The following RORA variants were observed in gnomAD, a reference collection of about 807,000 sequenced individuals.
RORA encodes the protein RAR related orphan receptor A.
In RORA, 7 loss-of-function variants were observed where a neutral mutation model predicts 69.5. The observed-to-expected ratio is 0.10, with a 90% CI of 0.06 to 0.19. The LOEUF (loss-of-function observed/expected upper bound fraction) is 0.19, where lower values mean the gene tolerates loss of function less well. RORA is among the 10% of genes least tolerant of loss of function. The pLI, the probability that RORA is intolerant of heterozygous loss-of-function variation, is 1.00. For synonymous variants in RORA, 261 were observed against 240.8 expected (o/e 1.08, Z -0.78); for missense variants, 457 against 663.0 (o/e 0.69, Z 3.41).
At chr15:61,216,103 G>A (rs2080038231) in intron 1 of RORA, among the ~76,000 whole-genome samples, 2 of 152,170 alleles carry the variant, frequency 1.3e-5, no homozygotes, top group Non-Finnish European at 2.9e-5. Flanking sequence ...AGCCAGCTAT[G>A]CCTCTACTCC....
intron 2 of RORA, among the ~76,000 whole-genome samples, chr15:60,622,407 A>T (rs2140626766): frequency 6.6e-6 from 1 of 152,034 alleles, no homozygotes; most frequent in South Asian, 2.1e-4. Context: ...GAGCTCGGGA[A>T]TTTGAGACCA....
chr15:60,761,312 C>T (rs1447293651), intron 1 of RORA, among the ~76,000 whole-genome samples: 1 of 152,026 alleles, frequency 6.6e-6, no homozygotes, highest in Non-Finnish European at 1.5e-5. Flanking sequence ...CAAAGGGATT[C>T]GTATACAATA....
chr15:60,812,921 G>C lies in RORA; in HGVS notation c.167-134235C>G, dbSNP rs191739338. Among the ~76,000 whole-genome samples the C allele has an allele frequency of 2.6e-3, 397 of 152,316 alleles. 6 individuals are homozygous for C. The highest frequency in any genetic ancestry group is 2.4e-3 in the Non-Finnish European group (165 of 68,022). On this transcript the variant is annotated intron_variant, in intron 1 of 10. Transcript: ENST00000335670. ...ATAAAAAAGGACACTGCCAGTTTCT[G>C]AACTATAGTGACACCACCAAGGCAA...
intron 1 of RORA, among the ~76,000 whole-genome samples, chr15:60,795,365 G>T (rs341429): frequency 9.7e-4 from 147 of 152,262 alleles, no homozygotes; most frequent in African/African-American, 3.5e-3. Context: ...AACTCAAAAT[G>T]GGCTGCTTGA....
At chr15:60,841,675 C>G (rs553760848) in intron 1 of RORA, among the ~76,000 whole-genome samples, 1 of 152,316 alleles carries the variant, frequency 6.6e-6, no homozygotes, top group South Asian at 2.1e-4. Flanking sequence ...CACAAGTGGA[C>G]AGGTGGAGCC....
At chr15:60,608,818 A>G (rs1419271994) in intron 2 of RORA, among the ~76,000 whole-genome samples, 1 of 152,152 alleles carries the variant, frequency 6.6e-6, no homozygotes, top group Non-Finnish European at 1.5e-5. Context: ...ATCACCAAAC[A>G]CATTTTAATA....
At chr15:61,180,855 T>C (rs1292379620) in intron 1 of RORA, among the ~76,000 whole-genome samples, 2 of 151,990 alleles carry the variant, frequency 1.3e-5, no homozygotes, top group African/African-American at 4.8e-5. Flanking sequence ...TCCCAGAACT[T>C]TGGGAGGCCA....
At chr15:61,201,301 C>G (rs1350027848) in intron 1 of RORA, among the ~76,000 whole-genome samples, 4 of 152,216 alleles carry the variant, frequency 2.6e-5, no homozygotes, top group African/African-American at 9.6e-5. Flanking sequence ...GAAAGAATTA[C>G]ACGCAGTTTC....
intron 1 of RORA, among the ~76,000 whole-genome samples, chr15:60,910,460 G>A (rs1034774145): frequency 6.6e-6 from 1 of 152,218 alleles, no homozygotes; most frequent in African/African-American, 2.4e-5. Flanking sequence ...GGAAGATCAA[G>A]TAAATAGAGT....
chr15:60,504,166 G>A (rs575454250), intron 6 of RORA, among the ~76,000 whole-genome samples: 1 of 152,286 alleles, frequency 6.6e-6, no homozygotes, highest in African/African-American at 2.4e-5. Flanking sequence ...TGGGGGAAGG[G>A]AGAAAAGGAG....
At chr15:60,761,978 C>A (rs2071900915) in intron 1 of RORA, among the ~76,000 whole-genome samples, 1 of 151,454 alleles carries the variant, frequency 6.6e-6, no homozygotes, top group Non-Finnish European at 1.5e-5. Flanking sequence ...TTCTTGAGCA[C>A]TTTTGAAAAC....
chr15:60,770,229 G>A (rs2072053922), intron 1 of RORA, among the ~76,000 whole-genome samples: 1 of 151,614 alleles, frequency 6.6e-6, no homozygotes, highest in Admixed American at 6.6e-5. Flanking sequence ...TTTTTTCTTG[G>A]AGAAAAGAGA....
At chr15:60,653,053 TG>T (rs750365266) in intron 2 of RORA, among the ~76,000 whole-genome samples, 4 of 152,186 alleles carry the variant, frequency 2.6e-5, no homozygotes, top group Non-Finnish European at 5.9e-5. Flanking sequence ...GTGATCTGAG[TG>T]ACACTGGATT....
At position 60,887,021 on chromosome 15, in the gene RORA, G is replaced by A. The variant is rs1286283962; in HGVS notation, c.167-208335C>T. ...CCTCGGCTACAAGATCGTCTTCCTT[G>A]ATAGTTTTTATTGCTTCTGGAAGTA... On this transcript the variant is annotated intron_variant, in intron 1 of 10. Coordinates refer to ENST00000335670, the MANE Select transcript of RORA (RefSeq NM_134261.3). 2.6e-5 allele frequency among the ~76,000 whole-genome samples: 4 copies of A among 152,134 alleles called. No homozygotes were observed. The East Asian group carries it at 7.7e-4, about 29-fold the overall frequency.
chr15:60,786,980 G>A (rs1177360220), intron 1 of RORA, among the ~76,000 whole-genome samples: 1 of 152,238 alleles, frequency 6.6e-6, no homozygotes, highest in East Asian at 1.9e-4. Context: ...CCATGGGGTG[G>A]TGTGTGAGTG....
intron 1 of RORA, among the ~76,000 whole-genome samples, chr15:61,031,168 T>G (rs374793429): frequency 6.6e-6 from 1 of 152,142 alleles, no homozygotes; most frequent in African/African-American, 2.4e-5. Context: ...TCCAAAAGTA[T>G]TATTAGCTAG....
chr15:60,947,120 AG>A (rs1892913026), intron 1 of RORA, among the ~76,000 whole-genome samples: 1 of 144,642 alleles, frequency 6.9e-6, no homozygotes, highest in South Asian at 2.3e-4. Context: ...TGGGGGGGTC[AG>A]CCCCCACCCG....
At chr15:60,837,180 G>A (rs528546949) in intron 1 of RORA, among the ~76,000 whole-genome samples, 3 of 152,058 alleles carry the variant, frequency 2.0e-5, no homozygotes, top group Non-Finnish European at 4.4e-5. Context: ...CCCCCTCGTT[G>A]ACTTTTAAGG....
intron 1 of RORA, among the ~76,000 whole-genome samples, chr15:60,972,924 G>A (rs1289494991): frequency 6.6e-6 from 1 of 151,528 alleles, no homozygotes; most frequent in African/African-American, 2.4e-5. Context: ...TACCTGGCCA[G>A]AATGCATTCA....
Sources: gnomAD v4.1 joint callset for allele counts (sites outside exome capture counted in the v4.1 genomes callset) on GRCh38, gnomAD v4.1.1 for gene constraint, MANE v1.5 for transcripts, NCBI Gene and HGNC (gene_info 2026-07-23, HGNC 2026-07-21) for gene names.